SCN8A: variants seen among roughly 807,000 people sequenced by gnomAD.
The protein encoded by SCN8A is sodium voltage-gated channel alpha subunit 8.
SCN8A carries 30 observed loss-of-function variants against 184.1 expected under a neutral mutation model. The observed-to-expected ratio is 0.16, with a 90% CI of 0.12 to 0.22. The LOEUF is 0.22. Among genes scored for constraint, SCN8A ranks in the 10% least tolerant of loss-of-function variants. SCN8A has a pLI of 1.00. For missense variants in SCN8A, 1,057 were observed against 2,498.9 expected, an observed-to-expected ratio of 0.42 and a Z score of 12.30; for synonymous variants, 852 against 907.0, an observed-to-expected ratio of 0.94 and a Z score of 1.09.
intron 1 of SCN8A, among the ~76,000 whole-genome samples, chr12:51,645,919 C>G (rs1422340121): frequency 4.1e-5 from 6 of 145,638 alleles, no homozygotes; most frequent in African/African-American, 1.5e-4. Context: ...GCCAAATCCC[C>G]CTCTGCGAGA....
At chr12:51,615,862 T>G (rs1939825453) in intron 1 of SCN8A, among the ~76,000 whole-genome samples, 1 of 152,058 alleles carries the variant, frequency 6.6e-6, no homozygotes, top group Admixed American at 6.6e-5. Flanking sequence ...GGACTATAGG[T>G]GCATGTCATC....
chr12:51,676,188 G>C (rs941388360), intron 2 of SCN8A, among the ~76,000 whole-genome samples: 2 of 152,256 alleles, frequency 1.3e-5, no homozygotes, highest in African/African-American at 4.8e-5. Flanking sequence ...TATTTCTAAG[G>C]GGAGCTGGAT....
chr12:51,694,214 T>C (rs926184637), intron 6 of SCN8A, among the ~76,000 whole-genome samples: 4 of 152,226 alleles, frequency 2.6e-5, no homozygotes, highest in Admixed American at 2.6e-4. Flanking sequence ...ATTACAAGTG[T>C]GAGCCACCGT....
At chr12:51,636,568 G>A (rs1940323271) in intron 1 of SCN8A, among the ~76,000 whole-genome samples, 1 of 152,188 alleles carries the variant, frequency 6.6e-6, no homozygotes, top group South Asian at 2.1e-4. Flanking sequence ...TAGTTTATTT[G>A]GCATGAGCTC....
chr12:51,784,171 T>C (rs1938009562), intron 21 of SCN8A, among the ~76,000 whole-genome samples: 1 of 152,232 alleles, frequency 6.6e-6, no homozygotes, highest in Non-Finnish European at 1.5e-5. Flanking sequence ...CAATGATCAT[T>C]ACATATGGAG....
rs769696262 is a variant in SCN8A at position 51,807,566 on chromosome 12, AC to A, written c.*139del. 29 of 904,810 alleles carry A rather than the reference AC, an allele frequency of 3.2e-5. No individual in the cohort carries two copies. Among genetic ancestry groups the A allele is most frequent in the Non-Finnish European group, 5.0e-5 (29 of 582,154 alleles). 56.0% of individuals were successfully genotyped at this position (904,810 alleles called of 1,614,324 possible). ...GATCTATACCAAACGTCGTCTGCTT[AC>A]CACGTAACACAGCTGCATCTTGAGC... On this transcript the variant is annotated 3_prime_UTR_variant, in exon 27 of 27. Transcript: ENST00000627620. This position sits in a 1 kb window ranked among gnomAD's most constrained non-coding sequence, Gnocchi z 4.5.
chr12:51,641,213 T>C (rs563099161), intron 1 of SCN8A, among the ~76,000 whole-genome samples: 2 of 152,308 alleles, frequency 1.3e-5, no homozygotes, highest in Non-Finnish European at 2.9e-5. Context: ...ATTTAAAGTA[T>C]ATAGGAGGCT....
intron 9 of SCN8A, among the ~76,000 whole-genome samples, chr12:51,703,993 A>G (rs1941736478): frequency 6.6e-6 from 1 of 151,944 alleles, no homozygotes; most frequent in Non-Finnish European, 1.5e-5. Flanking sequence ...GCAGCCTCCA[A>G]ACAATTCTCC....
intron 26 of SCN8A, among the ~76,000 whole-genome samples, chr12:51,802,781 G>C (rs558064401): frequency 1.3e-5 from 2 of 152,154 alleles, no homozygotes; most frequent in African/African-American, 4.8e-5. Flanking sequence ...TCTCAAGAAC[G>C]ACGAATCAGG....
At chr12:51,677,781 T>G (rs1941249761) in intron 2 of SCN8A, among the ~76,000 whole-genome samples, 1 of 152,216 alleles carries the variant, frequency 6.6e-6, no homozygotes, top group Non-Finnish European at 1.5e-5. Flanking sequence ...GTTCTGCCGC[T>G]CTTAATGGAC....
At chr12:51,693,169 C>G (rs1395703525) in intron 6 of SCN8A, among the ~76,000 whole-genome samples, 3 of 152,176 alleles carry the variant, frequency 2.0e-5, no homozygotes, top group African/African-American at 7.2e-5. Flanking sequence ...GTGGCAATTT[C>G]TGCTGCATAA....
chr12:51,679,160 T>C (rs1050279738), intron 2 of SCN8A, among the ~76,000 whole-genome samples: 7 of 151,930 alleles, frequency 4.6e-5, no homozygotes, highest in African/African-American at 1.7e-4. Flanking sequence ...CCCAGCACTT[T>C]GGGAGGTCAA....
At chr12:51,728,107 C>A (rs1218134200) in intron 12 of SCN8A, among the ~76,000 whole-genome samples, 1 of 152,068 alleles carries the variant, frequency 6.6e-6, no homozygotes, top group Non-Finnish European at 1.5e-5. Context: ...CTCTAGACAC[C>A]ATCTTAGCCC....
At chr12:51,647,928 G>A (rs879813824) in intron 1 of SCN8A, among the ~76,000 whole-genome samples, 4 of 152,154 alleles carry the variant, frequency 2.6e-5, no homozygotes, top group East Asian at 1.9e-4. Flanking sequence ...GAGCTGTCTC[G>A]CAGTCCTCAG....
At chr12:51,649,674 T>C (rs1310056809) in intron 1 of SCN8A, among the ~76,000 whole-genome samples, 5 of 152,114 alleles carry the variant, frequency 3.3e-5, no homozygotes, top group African/African-American at 9.7e-5. Flanking sequence ...GGGCACCAAG[T>C]CCCTAGACTG....
At chr12:51,641,679 A>G (rs1438374332) in intron 1 of SCN8A, among the ~76,000 whole-genome samples, 1 of 152,202 alleles carries the variant, frequency 6.6e-6, no homozygotes. Flanking sequence ...ATGCTTCTGA[A>G]AAGACCAATG....
At chr12:51,780,226 A>G (rs1362664785) in intron 20 of SCN8A, 2 of 456,344 alleles carry the variant, frequency 4.4e-6, no homozygotes, top group East Asian at 1.4e-4. Flanking sequence ...GTCTGGCTTA[A>G]TTTAATGGGG....
Position 51,797,343 on chromosome 12 carries a change from A to G in SCN8A, c.4795+2702A>G, listed in dbSNP as rs553584878. On this transcript the variant is annotated intron_variant, in intron 26 of 26. Transcript: ENST00000627620. Reference sequence around the variant, plus strand: ...ACGTCACATGATAAAGGAAAAAGAAAAGAACTAAAATGAAGATATTTTCCT... The same window carrying G: ...ACGTCACATGATAAAGGAAAAAGAAGAGAACTAAAATGAAGATATTTTCCT... 1.0e-3 allele frequency among the ~76,000 whole-genome samples: 152 copies of G among 152,348 alleles called. 1 individual carries two copies. Among genetic ancestry groups the G allele is most frequent in the African/African-American group, 3.4e-3 (143 of 41,570 alleles).
intron 11 of SCN8A, among the ~76,000 whole-genome samples, chr12:51,717,732 A>G (rs1941989303): frequency 6.6e-6 from 1 of 152,244 alleles, no homozygotes; most frequent in South Asian, 2.1e-4. Flanking sequence ...GGCTCAGTCA[A>G]CATTCTGGAA....
Sources: allele counts gnomAD v4.1 joint callset (sites outside exome capture counted in the v4.1 genomes callset), GRCh38; gene constraint gnomAD v4.1.1; non-coding constraint Gnocchi (gnomAD v3.1); transcripts MANE v1.5; gene names NCBI Gene and HGNC (gene_info 2026-07-23, HGNC 2026-07-21).